EYS: variants seen among roughly 807,000 people sequenced by gnomAD.
EYS encodes the protein protein eyes shut homolog.
A neutral mutation model predicts 282.1 loss-of-function variants in EYS; 250 were observed. That is an observed-to-expected ratio of 0.89 (90% CI 0.80 to 0.98). The LOEUF (loss-of-function observed/expected upper bound fraction) is 0.98. Among genes scored for constraint, EYS ranks in the 50% least tolerant of loss-of-function variants. The pLI, the probability that EYS is intolerant of heterozygous loss-of-function variation, is 0.00. For synonymous variants in EYS, 1,355 were observed against 1,282.9 expected, an observed-to-expected ratio of 1.06 and a Z score of -1.20; for missense variants, 4,016 against 3,709.0, an observed-to-expected ratio of 1.08 and a Z score of -2.15.
At chr6:64,872,384 T>G (rs370023366) in intron 19 of EYS, among the ~76,000 whole-genome samples, 3 of 152,156 alleles carry the variant, frequency 2.0e-5, no homozygotes, top group African/African-American at 7.2e-5. Flanking sequence ...GCAAGCTGCC[T>G]AATAATTAAT....
intron 19 of EYS, among the ~76,000 whole-genome samples, chr6:64,857,767 T>C (rs1260081684): frequency 6.6e-6 from 1 of 152,120 alleles, no homozygotes; most frequent in Non-Finnish European, 1.5e-5. Context: ...CATGCCAACA[T>C]TGGTTCTCTT....
chr6:64,073,432 G>T (rs999143504), intron 32 of EYS, among the ~76,000 whole-genome samples: 4 of 151,644 alleles, frequency 2.6e-5, no homozygotes, highest in African/African-American at 7.3e-5. Flanking sequence ...GTAACCCTAG[G>T]ATTCTATAAG....
At chr6:64,499,493 G>T (rs906013424) in intron 26 of EYS, among the ~76,000 whole-genome samples, 3 of 152,134 alleles carry the variant, frequency 2.0e-5, no homozygotes, top group Non-Finnish European at 2.9e-5. Context: ...GCTATGGCAT[G>T]CCTGTGCAAT....
chr6:64,524,330 T>C (rs913997976), intron 26 of EYS, among the ~76,000 whole-genome samples: 2 of 151,676 alleles, frequency 1.3e-5, no homozygotes, highest in African/African-American at 2.4e-5. Flanking sequence ...AGATAAAAAT[T>C]AAAATGTCTT....
chr6:64,002,765 TG>T (rs1768157387), intron 33 of EYS, among the ~76,000 whole-genome samples: 2 of 152,190 alleles, frequency 1.3e-5, no homozygotes, highest in Admixed American at 1.3e-4. Flanking sequence ...CTTGAACTCC[TG>T]GGCTTAAGTG....
At chr6:64,705,331 G>C (rs960852883) in intron 22 of EYS, among the ~76,000 whole-genome samples, 1 of 151,824 alleles carries the variant, frequency 6.6e-6, no homozygotes, top group African/African-American at 2.4e-5. Flanking sequence ...GGAAATCATA[G>C]ATAAACAAAC....
intron 31 of EYS, among the ~76,000 whole-genome samples, chr6:64,125,571 G>T (rs1004322777): frequency 6.6e-5 from 10 of 151,790 alleles, no homozygotes; most frequent in African/African-American, 2.2e-4. Flanking sequence ...GGATCGTGAG[G>T]TCAGGGGATC....
intron 36 of EYS, among the ~76,000 whole-genome samples, chr6:63,829,521 G>T (rs985798310): frequency 6.6e-6 from 1 of 152,180 alleles, no homozygotes; most frequent in South Asian, 2.1e-4. Flanking sequence ...GGGGAGGGGC[G>T]TCCACCATTG....
intron 5 of EYS, among the ~76,000 whole-genome samples, chr6:65,443,520 T>C (rs1439138387): frequency 2.0e-5 from 3 of 151,790 alleles, no homozygotes; most frequent in Admixed American, 2.0e-4. Context: ...GACACATGTA[T>C]GTATATACAT....
At chr6:65,606,767 C>T (rs1207534226) in intron 2 of EYS, among the ~76,000 whole-genome samples, 3 of 151,800 alleles carry the variant, frequency 2.0e-5, no homozygotes, top group African/African-American at 7.2e-5. Flanking sequence ...TGCATCTAAA[C>T]ATGAATTAAA....
Position 64,591,135 on chromosome 6 carries a change from T to C in EYS, c.4732A>G (p.Lys1578Glu). 1.3e-6 allele frequency: 2 copies of C among 1,551,348 alleles called. No homozygotes were observed. Among genetic ancestry groups the C allele is most frequent in the Non-Finnish European group, 1.7e-6 (2 of 1,146,782 alleles). The change falls in exon 26 of 43, where the codon AAA (lysine) becomes GAA (glutamate). Residue 1578 changes from lysine (K) to glutamate (E), a missense_variant. Lys to Glu is a moderately conservative substitution (Grantham distance 56, BLOSUM62 1). Coordinates refer to ENST00000503581, the MANE Select transcript of EYS (RefSeq NM_001142800.2). ...AATGTCTCATAAAAGTGGGACTGTT[T>C]GCTATGCAAAACTTGATCTGAGAAT... ...REFSDQVLHS[K>E]QSHFYETFWM...
chr6:64,119,706 T>G (rs1439059485), intron 31 of EYS, among the ~76,000 whole-genome samples: 2 of 152,204 alleles, frequency 1.3e-5, no homozygotes, highest in Non-Finnish European at 1.5e-5. Context: ...TTAATTCAAC[T>G]TTTTTATTTG....
intron 33 of EYS, among the ~76,000 whole-genome samples, chr6:64,003,768 TGAATCATG>T (rs1373096929): frequency 6.6e-6 from 1 of 152,184 alleles, no homozygotes; most frequent in Non-Finnish European, 1.5e-5. Context: ...AGGAGGTAAT[TGAATCATG>T]GAGGTGGTTA....
At chr6:64,319,733 A>G (rs1486423811) in intron 29 of EYS, among the ~76,000 whole-genome samples, 6 of 151,638 alleles carry the variant, frequency 4.0e-5, no homozygotes, top group African/African-American at 1.5e-4. Flanking sequence ...ATGGATAGAC[A>G]GATAGATAGA....
intron 5 of EYS, among the ~76,000 whole-genome samples, chr6:65,440,148 A>C (rs747074267): frequency 5.3e-5 from 8 of 152,126 alleles, no homozygotes; most frequent in Non-Finnish European, 1.2e-4. Context: ...AGATGAGCTT[A>C]AAATAAAGGT....
intron 33 of EYS, among the ~76,000 whole-genome samples, chr6:64,027,419 T>C (rs1241893886): frequency 6.6e-6 from 1 of 152,086 alleles, no homozygotes; most frequent in Non-Finnish European, 1.5e-5. Context: ...GCCACAGATA[T>C]CAGGAGGAAA....
chr6:63,884,445 G>A (rs371746180), intron 35 of EYS, among the ~76,000 whole-genome samples: 1 of 152,148 alleles, frequency 6.6e-6, no homozygotes, highest in Non-Finnish European at 1.5e-5. Flanking sequence ...GGACATAAGA[G>A]AGCCTCCTGG....
At chr6:64,339,950 A>C (rs753126938) in intron 29 of EYS, among the ~76,000 whole-genome samples, 3 of 151,730 alleles carry the variant, frequency 2.0e-5, no homozygotes, top group Non-Finnish European at 4.4e-5. Flanking sequence ...GATTCAGTGA[A>C]TACTTCTCGG....
At chr6:64,928,186 C>T (rs554698282) in intron 15 of EYS, among the ~76,000 whole-genome samples, 4 of 151,994 alleles carry the variant, frequency 2.6e-5, no homozygotes, top group East Asian at 1.9e-4. Context: ...TCCCCCTTCC[C>T]CATAAAAAGA....
Sources: allele counts gnomAD v4.1 joint callset (sites outside exome capture counted in the v4.1 genomes callset), GRCh38; gene constraint gnomAD v4.1.1; transcripts MANE v1.5; gene names NCBI Gene and HGNC (gene_info 2026-07-23, HGNC 2026-07-21).